The following CCL24 variants were observed in gnomAD, a reference collection of about 807,000 sequenced individuals.
CCL24 encodes the protein C-C motif chemokine 24.
In CCL24, 6 loss-of-function variants were observed where a neutral mutation model predicts 8.6. The ratio of observed to expected loss-of-function variants is 0.70; its 90% CI spans 0.38 to 1.38. The LOEUF (loss-of-function observed/expected upper bound fraction) is 1.38. Among genes scored for constraint, CCL24 ranks in the 40% most tolerant of loss-of-function variants. CCL24 has a pLI of 0.02. For synonymous variants in CCL24, 59 were observed against 52.7 expected, an observed-to-expected ratio of 1.12 and a Z score of -0.52; for missense variants, 126 against 147.1, an observed-to-expected ratio of 0.86 and a Z score of 0.74.
chr7:75,815,481 A>T (rs921387886), upstream of CCL24, among the ~76,000 whole-genome samples: 3 of 152,160 alleles, frequency 2.0e-5, no homozygotes, highest in African/African-American at 7.2e-5. Flanking sequence ...GTCTTTAAAA[A>T]AAAAATAAAA....
chr7:75,817,265 G>C (rs548901660), upstream of CCL24, among the ~76,000 whole-genome samples: 3 of 152,160 alleles, frequency 2.0e-5, no homozygotes, highest in East Asian at 5.8e-4. Flanking sequence ...GTGGGTGCCG[G>C]GAGTGTGGTG....
intron 1 of CCL24, among the ~76,000 whole-genome samples, chr7:75,820,151 CCTTCTCCTTCTCCTT>C (rs782616688): frequency 0.052 from 2,044 of 39,626 alleles, 128 homozygotes; most frequent in South Asian, 0.095. Context: ...TCCTCCTCCT[CCTTCTCCTTCTCCTT>C]CTCCTTCTCC....
At chr7:75,813,180 C>T in intron 2 of CCL24, 126 bp downstream of exon 2, 1 of 596,890 alleles carries the variant, frequency 1.7e-6, no homozygotes, top group Admixed American at 2.8e-5. Context: ...AGTTGAGGAC[C>T]AGAGAGGGGA....
Position 75,813,727 on chromosome 7 carries a change from C to A in CCL24, c.-12G>T, listed in dbSNP as rs1554533776. Reference sequence around the variant, plus strand: ...ATCAGGCCTGCCATGTCTCAGAGAGCAGAAGCACCAGCTCGGGGCTCAAAG... The same window carrying A: ...ATCAGGCCTGCCATGTCTCAGAGAGAAGAAGCACCAGCTCGGGGCTCAAAG... On this transcript the variant is annotated 5_prime_UTR_variant, in exon 1 of 3. Transcript: ENST00000222902. The A allele has an allele frequency of 1.2e-6, 2 of 1,611,572 alleles. No individual in the cohort carries two copies. The highest frequency in any genetic ancestry group is 4.5e-5 in the East Asian group (2 of 44,866).
chr7:75,811,200 TG>T lies in CCL24; in HGVS notation c.*595del, dbSNP rs1278856996. On this transcript the variant is annotated 3_prime_UTR_variant, in exon 3 of 3. Coordinates refer to ENST00000222902, the MANE Select transcript of CCL24 (RefSeq NM_002991.3). The stretch of plus-strand genomic sequence containing the variant: ...TTTCAACATAAAAGTTTGAGTAGGC[TG>T]GGTGTGGTGGCTCATGCCTGTAATC... Among the ~76,000 whole-genome samples the T allele has an allele frequency of 2.0e-5, 3 of 151,184 alleles. No homozygotes were observed. The highest frequency in any genetic ancestry group is 7.3e-5 in the African/African-American group (3 of 41,152).
At chr7:75,816,377 A>G (rs1308528496), upstream of CCL24, among the ~76,000 whole-genome samples, 1 of 152,044 alleles carries the variant, frequency 6.6e-6, no homozygotes, top group African/African-American at 2.4e-5. Context: ...TACAGAGTGA[A>G]AAATGCTGAG....
upstream of CCL24, among the ~76,000 whole-genome samples, chr7:75,816,134 C>T (rs1803884649): frequency 6.6e-6 from 1 of 152,132 alleles, no homozygotes; most frequent in African/African-American, 2.4e-5. Context: ...AATTTATATA[C>T]CCGCCAAGTG....
intron 2 of CCL24, among the ~76,000 whole-genome samples, chr7:75,812,409 T>C (rs1365155716): frequency 6.6e-6 from 1 of 152,126 alleles, no homozygotes; most frequent in Non-Finnish European, 1.5e-5. Flanking sequence ...TTCTATTTCA[T>C]GCCTCTGTTT....
chr7:75,813,464 C>T, intron 1 of CCL24, 41 bp from the exon 2 acceptor site: 1 of 1,461,532 alleles, frequency 6.8e-7, no homozygotes, highest in Non-Finnish European at 9.6e-7. Context: ...TTTTCCCAGC[C>T]TCCCCTTGGC....
chr7:75,811,980 A>G lies in CCL24; in HGVS notation c.192-16T>C. On this transcript the variant is annotated splice_polypyrimidine_tract_variant and intron_variant, in intron 2 of 2. Coordinates refer to ENST00000222902, the MANE Select transcript of CCL24 (RefSeq NM_002991.3). ...GGTGGTGAAGCTGTGGAAGAAAGGGACAGGGGATCAGCTGAGGTCGACAGG... is the reference window on the plus strand; with the variant it reads ...GGTGGTGAAGCTGTGGAAGAAAGGGGCAGGGGATCAGCTGAGGTCGACAGG... 6.2e-7 allele frequency: 1 copy of G among 1,607,604 alleles called. No homozygotes were observed. The highest frequency in any genetic ancestry group is 8.5e-7 in the Non-Finnish European group (1 of 1,178,470).
chr7:75,817,247 C>T (rs1051039222), upstream of CCL24, among the ~76,000 whole-genome samples: 1 of 152,098 alleles, frequency 6.6e-6, no homozygotes, highest in African/African-American at 2.4e-5. Flanking sequence ...CCTGCATTTT[C>T]TCACTCAGTG....
At chr7:75,817,880 G>A (rs1441296196), upstream of CCL24, among the ~76,000 whole-genome samples, 2 of 149,492 alleles carry the variant, frequency 1.3e-5, no homozygotes, top group African/African-American at 2.5e-5. Context: ...ACCCAGGCTG[G>A]AGTGCAGTGG....
chr7:75,820,210 G>T (rs1363387366), intron 1 of CCL24, among the ~76,000 whole-genome samples: 1 of 143,082 alleles, frequency 7.0e-6, no homozygotes, highest in Non-Finnish European at 1.5e-5. Context: ...TTTTTGAGAT[G>T]GAATCTTGCT....
rs200259580 is a variant in CCL24 at position 75,811,931 on chromosome 7, G to T, written c.225C>A (p.Gly75=). 3.7e-6 allele frequency: 6 copies of T among 1,610,202 alleles called. No individual in the cohort carries two copies. Among genetic ancestry groups the T allele is most frequent in the African/African-American group, 2.7e-5 (2 of 73,876 alleles). Residue 75 remains glycine, a synonymous_variant, in exon 3 of 3, where the codon GGC becomes GGA. Coordinates refer to ENST00000222902, the MANE Select transcript of CCL24 (RefSeq NM_002991.3). ...FTTKKGQQFC[G]DPKQEWVQRY... Reference sequence around the variant, plus strand: ...TCTGGACCCACTCCTGCTTGGGGTCGCCACAGAACTGCTGGCCCTTCTTGG... The same window carrying T: ...TCTGGACCCACTCCTGCTTGGGGTCTCCACAGAACTGCTGGCCCTTCTTGG...
chr7:75,819,393 G>C (rs1177450506), intron 1 of CCL24, among the ~76,000 whole-genome samples: 1 of 138,034 alleles, frequency 7.2e-6, no homozygotes, highest in Non-Finnish European at 1.5e-5. Flanking sequence ...GGGAGGCTGA[G>C]GCAGGAGGAT....
rs1184572105 is a variant in CCL24 at position 75,813,689 on chromosome 7, G to A, written c.27C>T (p.Thr9=). Residue 9 remains threonine, a synonymous_variant, in exon 1 of 3, where the codon ACC becomes ACT. Transcript: ENST00000222902. The stretch of plus-strand genomic sequence containing the variant: ...CACAGACACCAAGGAACAGAAGGCT[G>A]GTTACTATGGTCATCAGGCCTGCCA... MAGLMTIV[T]SLLFLGVCAH... is the part of the protein sequence containing the mutation. 6.2e-7 allele frequency: 1 copy of A among 1,614,064 alleles called. No homozygotes were observed. The highest frequency in any genetic ancestry group is 1.7e-5 in the Admixed American group (1 of 60,018).
chr7:75,813,208 T>G, intron 2 of CCL24, 98 bp downstream of exon 2: 1 of 691,460 alleles, frequency 1.4e-6, no homozygotes. Context: ...TCTCCAGGGA[T>G]GCACAGAGCT....
rs782625978 is a variant in CCL24, at chr7:75,813,758, G to A, written c.-43C>T. The stretch of plus-strand genomic sequence containing the variant: ...CACCAGCTCGGGGCTCAAAGCTGAC[G>A]TGCAGGAGGAAAGGACCTAGGGATA... On this transcript the variant is annotated 5_prime_UTR_variant, in exon 1 of 3. It adds an upstream start codon to the 5' untranslated region. Coordinates refer to ENST00000222902, the MANE Select transcript of CCL24 (RefSeq NM_002991.3). 30 of 1,531,938 alleles carry A rather than the reference G, an allele frequency of 2.0e-5. No individual in the cohort carries two copies. Among genetic ancestry groups the A allele is most frequent in the Non-Finnish European group, 2.4e-5 (27 of 1,105,708 alleles). 94.9% of individuals were successfully genotyped at this position (1,531,938 alleles called of 1,614,324 possible).
rs372946559 is a variant in CCL24, at chr7:75,813,636, G to T, written c.73+7C>A. The T allele has an allele frequency of 3.7e-6, 6 of 1,610,950 alleles. No individual in the cohort carries two copies. The highest frequency in any genetic ancestry group is 5.1e-6 in the Non-Finnish European group (6 of 1,177,248). On this transcript the variant is annotated splice_region_variant and intron_variant, in intron 1 of 2. Coordinates refer to ENST00000222902, the MANE Select transcript of CCL24 (RefSeq NM_002991.3). The stretch of plus-strand genomic sequence containing the variant: ...CCCTTGGAACTGCATCCTGTCGGAG[G>T]TCTTACCCGTAGGGATGATGTGGTG...
Sources: gnomAD v4.1 joint callset for allele counts (sites outside exome capture counted in the v4.1 genomes callset) on GRCh38, gnomAD v4.1.1 for gene constraint, MANE v1.5 for transcripts, NCBI Gene and HGNC (gene_info 2026-07-23, HGNC 2026-07-21) for gene names.